Variants in VWF observed in about 807,000 individuals in gnomAD.
The protein encoded by VWF is von Willebrand factor.
In VWF, 176 loss-of-function variants were observed where a neutral mutation model predicts 308.6. The ratio of observed to expected loss-of-function variants is 0.57; its 90% CI spans 0.50 to 0.65. VWF has a LOEUF of 0.65. Ranked by LOEUF, VWF falls within the 30% of genes least tolerant of loss-of-function variation. The pLI is 0.00. For missense variants in VWF, 3,146 were observed against 3,648.2 expected, an observed-to-expected ratio of 0.86 and a Z score of 3.55; for synonymous variants, 1,385 against 1,443.4, an observed-to-expected ratio of 0.96 and a Z score of 0.92.
At chr12:6,116,057 T>G (rs1227490358) in intron 3 of VWF, among the ~76,000 whole-genome samples, 1 of 152,048 alleles carries the variant, frequency 6.6e-6, no homozygotes, top group Admixed American at 6.6e-5. Context: ...CCTCATTCCC[T>G]CCATGCAGAA....
Position 5,952,494 on chromosome 12 carries a change from C to A in VWF, c.8012G>T (p.Cys2671Phe). Residue 2671 changes from cysteine (C) to phenylalanine (F), a missense_variant, in exon 49 of 52, where the codon TGT becomes TTT. Coordinates refer to ENST00000261405, the MANE Select transcript of VWF (RefSeq NM_000552.5). Reference protein sequence around the residue: ...LKRDETLQDGCDTHFCKVNER... With the variant: ...LKRDETLQDGFDTHFCKVNER... ...ATTGACCTTGCAGAAGTGAGTATCA[C>A]AGCCATCCTGGAGCGTCTCATCACG... 1.2e-6 allele frequency: 2 copies of A among 1,614,096 alleles called. No homozygotes were observed. The highest frequency in any genetic ancestry group is 1.7e-6 in the Non-Finnish European group (2 of 1,179,948).
At chr12:5,967,882 A>T (rs1321636998) in intron 46 of VWF, among the ~76,000 whole-genome samples, 90 of 152,194 alleles carry the variant, frequency 5.9e-4, no homozygotes, top group Non-Finnish European at 2.9e-5. Context: ...CTGCACACAG[A>T]AGAAATGCAC....
chr12:5,968,579 T>C (rs1358123230), intron 45 of VWF, among the ~76,000 whole-genome samples: 1 of 152,066 alleles, frequency 6.6e-6, no homozygotes, highest in Non-Finnish European at 1.5e-5. Context: ...GCAGATCACT[T>C]GAGGTCAGGA....
chr12:5,966,294 C>T (rs1400582595), intron 47 of VWF, among the ~76,000 whole-genome samples: 4 of 152,312 alleles, frequency 2.6e-5, no homozygotes, highest in Admixed American at 6.5e-5. Context: ...CACACACGCA[C>T]ACACACACGT....
rs1356080585 is a variant in VWF, at chr12:6,060,728, C to T, written c.1533+2226G>A. ...CAAACCCACCCCAAAGATAACCCTA[C>T]ATCCCCTCCCACAGAAAGAAGTTGG... On this transcript the variant is annotated intron_variant, in intron 13 of 51. Transcript: ENST00000261405. This position sits in a 1 kb window ranked among gnomAD's most constrained non-coding sequence, Gnocchi z 5.1. 1.3e-5 allele frequency among the ~76,000 whole-genome samples: 2 copies of T among 152,328 alleles called. No homozygotes were observed. The highest frequency in any genetic ancestry group is 6.5e-5 in the Admixed American group (1 of 15,300).
Position 6,056,851 on chromosome 12 carries a change from ACGCACCACAGCGGCCTGGCT to A in VWF, c.1931_1945+5del, listed in dbSNP as rs2136454053. 1 of 1,398,958 alleles carries A rather than the reference ACGCACCACAGCGGCCTGGCT, an allele frequency of 7.1e-7. No individual in the cohort carries two copies. The highest frequency in any genetic ancestry group is 9.2e-7 in the Non-Finnish European group (1 of 1,087,348). 86.7% of individuals were successfully genotyped at this position (1,398,958 alleles called of 1,614,324 possible). A position where few individuals can be genotyped will look rare whatever the true frequency, so the allele number is the denominator to read the frequency against. On this transcript the variant is annotated splice_donor_variant and splice_donor_5th_base_variant and coding_sequence_variant and intron_variant, in exon 15 of 52. Transcript: ENST00000261405. LOFTEE classifies it high-confidence loss of function. Reference sequence around the variant, plus strand: ...CCGGAGGGCTGCGGGCAGGGAGGGCACGCACCACAGCGGCCTGGCTCGCGCCACGCGACGCGCACGCCTCT... The same window carrying A: ...CCGGAGGGCTGCGGGCAGGGAGGGCACGCGCCACGCGACGCGCACGCCTCT...
At chr12:6,092,169 C>G (rs1465612901) in intron 6 of VWF, among the ~76,000 whole-genome samples, 1 of 152,116 alleles carries the variant, frequency 6.6e-6, no homozygotes, top group African/African-American at 2.4e-5. Context: ...ACTAAACGGA[C>G]TCCCCCTTGG....
intron 15 of VWF, among the ~76,000 whole-genome samples, chr12:6,053,954 A>G (rs1944547154): frequency 6.6e-6 from 1 of 152,236 alleles, no homozygotes; most frequent in African/African-American, 2.4e-5. Context: ...GGTAGAGGAC[A>G]GGGAAGGTGT....
In VWF at chr12:6,057,023, C is replaced by T. The variant is rs1591889463; in HGVS notation, c.1779G>A (p.Glu593=). 6.4e-7 allele frequency: 1 copy of T among 1,550,424 alleles called. No individual in the cohort carries two copies. The change falls in exon 15 of 52, where the codon GAG becomes GAA. Residue 593 remains glutamate (E), a synonymous_variant. Coordinates refer to ENST00000261405, the MANE Select transcript of VWF (RefSeq NM_000552.5). ...ACAVLTSPTF[E]ACHRAVSPLP... is the part of the protein sequence containing the mutation. ...GCGGGCTGACGGCACGATGGCAGGC[C>T]TCGAATGTGGGGGACGTCAGGACCG...
intron 5 of VWF, among the ~76,000 whole-genome samples, chr12:6,100,601 A>G (rs1945151951): frequency 1.3e-5 from 2 of 152,210 alleles, no homozygotes; most frequent in Admixed American, 6.5e-5. Context: ...AGGGACATGG[A>G]TGAAATTGGA....
intron 6 of VWF, among the ~76,000 whole-genome samples, chr12:6,081,922 A>C (rs1350934202): frequency 6.6e-6 from 1 of 152,122 alleles, no homozygotes; most frequent in Admixed American, 6.5e-5. Flanking sequence ...TTTTTCCCCT[A>C]AATTATTTTT....
Position 5,993,883 on chromosome 12 carries a change from A to T in VWF, c.6577T>A (p.Trp2193Arg). The part of the protein sequence containing the change: ...LCRTNGVCVD[W>R]RTPDFCAMSC... Reference sequence around the variant, plus strand: ...TCACCACAGAAATCAGGTGTCCTCCAGTCAACGCAGACCCCGTTGGTCCGA... The same window carrying T: ...TCACCACAGAAATCAGGTGTCCTCCTGTCAACGCAGACCCCGTTGGTCCGA... Residue 2193 changes from tryptophan (W) to arginine (R), a missense_variant, in exon 37 of 52, where the codon TGG (tryptophan) becomes AGG (arginine). Coordinates refer to ENST00000261405, the MANE Select transcript of VWF (RefSeq NM_000552.5). 1 of 1,613,542 alleles carries T rather than the reference A, an allele frequency of 6.2e-7. No individual in the cohort carries two copies. Among genetic ancestry groups the T allele is most frequent in the Non-Finnish European group, 8.5e-7 (1 of 1,179,940 alleles).
At chr12:5,968,715 AAC>A (rs1241541205) in intron 45 of VWF, among the ~76,000 whole-genome samples, 4 of 152,172 alleles carry the variant, frequency 2.6e-5, no homozygotes, top group Non-Finnish European at 5.9e-5. Context: ...AAAGTGCTTG[AAC>A]CCAGGAGGCC....
intron 35 of VWF, 67 bp downstream of exon 35, chr12:5,995,935 A>T: frequency 6.6e-7 from 1 of 1,509,032 alleles, no homozygotes; most frequent in Non-Finnish European, 9.1e-7. Flanking sequence ...AGCAACTGCC[A>T]CCAGGTCCAG....
Position 6,034,743 on chromosome 12 carries a change from G to A in VWF, c.2630C>T (p.Thr877Ile). ...CSTIGMAHYL[T>I]FDGLKYLFPG... Reference sequence around the variant, plus strand: ...GAACAGGTATTTGAGCCCGTCGAAGGTGAGGTAGTGGGCCATGCCGATCGT... The same window carrying A: ...GAACAGGTATTTGAGCCCGTCGAAGATGAGGTAGTGGGCCATGCCGATCGT... The change falls in exon 20 of 52, where the codon ACC becomes ATC. Residue 877 changes from threonine to isoleucine, a missense_variant. Coordinates refer to ENST00000261405, the MANE Select transcript of VWF (RefSeq NM_000552.5). The A allele has an allele frequency of 1.9e-6, 3 of 1,614,190 alleles. No individual in the cohort carries two copies. The highest frequency in any genetic ancestry group is 2.5e-6 in the Non-Finnish European group (3 of 1,180,042).
At position 5,952,428 on chromosome 12, in the gene VWF, C is replaced by T. The variant is rs62641243; in HGVS notation, c.8078G>A (p.Cys2693Tyr). The change falls in exon 49 of 52, where the codon TGC becomes TAC. Residue 2693 changes from cysteine to tyrosine, a missense_variant. By Grantham distance (194) the Cys-to-Tyr change is radical (BLOSUM62 -2). Transcript: ENST00000261405. ...EYFWEKRVTG[C>Y]PPFDEHKCLA... is the part of the protein sequence containing the mutation. ...ACACTTGTGTTCATCAAAGGGTGGG[C>T]AGCCTGTGACCCTCTTCTCCCAGAA... is the stretch of plus-strand genomic sequence containing the variant. 6.2e-7 allele frequency: 1 copy of T among 1,614,094 alleles called. No individual in the cohort carries two copies. Among genetic ancestry groups the T allele is most frequent in the Non-Finnish European group, 8.5e-7 (1 of 1,179,954 alleles).
chr12:6,088,520 CT>C (rs1944998142), intron 6 of VWF, among the ~76,000 whole-genome samples: 1 of 151,380 alleles, frequency 6.6e-6, no homozygotes, highest in African/African-American at 2.4e-5. Flanking sequence ...AAAGGGGTGC[CT>C]TTTTCTAATT....
At chr12:6,003,759 T>A (rs1943897410) in intron 34 of VWF, among the ~76,000 whole-genome samples, 1 of 151,846 alleles carries the variant, frequency 6.6e-6, no homozygotes, top group Non-Finnish European at 1.5e-5. Context: ...TGAAAGAAGT[T>A]CTGGCAATGG....
chr12:6,074,348 T>C (rs2136473055), intron 7 of VWF, among the ~76,000 whole-genome samples: 3 of 152,242 alleles, frequency 2.0e-5, no homozygotes, highest in Admixed American at 2.0e-4. Flanking sequence ...CTCTACCCTG[T>C]AGCTGAGCGA....
Sources: allele counts gnomAD v4.1 joint callset (sites outside exome capture counted in the v4.1 genomes callset), GRCh38; gene constraint gnomAD v4.1.1; non-coding constraint Gnocchi (gnomAD v3.1); transcripts MANE v1.5; gene names NCBI Gene and HGNC (gene_info 2026-07-23, HGNC 2026-07-21).